Variants in DNAH7 observed in about 807,000 individuals in gnomAD.
DNAH7 encodes the protein axonemal beta dynein heavy chain 7.
In DNAH7, 397 loss-of-function variants were observed where a neutral mutation model predicts 444.6. The observed-to-expected ratio is 0.89, with a 90% confidence interval of 0.82 to 0.97. The LOEUF is 0.97. DNAH7 is among the 50% of genes least tolerant of loss of function. The probability of loss-of-function intolerance (pLI) is 0.00; values close to 1 mark genes in which losing one functional copy is unlikely to be tolerated. For synonymous variants in DNAH7, 1,636 were observed against 1,624.4 expected, an observed-to-expected ratio of 1.01 and a Z score of -0.17; for missense variants, 4,902 against 4,800.8, an observed-to-expected ratio of 1.02 and a Z score of -0.62.
chr2:195,888,595 A>C (rs1261186094), intron 32 of DNAH7, among the ~76,000 whole-genome samples, 161 bp from the exon 33 acceptor site: 1 of 152,180 alleles, frequency 6.6e-6, no homozygotes, highest in Non-Finnish European at 1.5e-5. Flanking sequence ...ACTTTACCAA[A>C]TAGTCCTAAA....
chr2:195,771,323 G>C (rs956761315), intron 61 of DNAH7, among the ~76,000 whole-genome samples: 3 of 151,892 alleles, frequency 2.0e-5, no homozygotes, highest in Admixed American at 1.3e-4. Flanking sequence ...CTGGGTGACA[G>C]AGTGAGACCC....
chr2:195,779,650 C>G (rs555870903), intron 58 of DNAH7, among the ~76,000 whole-genome samples: 1 of 151,918 alleles, frequency 6.6e-6, no homozygotes, highest in African/African-American at 2.4e-5. Context: ...GCTCTGTCAC[C>G]CAGGCTGGAG....
intron 61 of DNAH7, among the ~76,000 whole-genome samples, chr2:195,758,256 C>CTTAT (rs1296032191): frequency 6.6e-6 from 1 of 152,236 alleles, no homozygotes; most frequent in Non-Finnish European, 1.5e-5. Context: ...CATTCTTAAA[C>CTTAT]ATAAGTAGAC....
intron 20 of DNAH7, among the ~76,000 whole-genome samples, chr2:195,936,171 C>T (rs1425453085): frequency 6.6e-6 from 1 of 151,840 alleles, no homozygotes; most frequent in Non-Finnish European, 1.5e-5. Context: ...ATCAGGAGTT[C>T]AAGACCAGCC....
At chr2:195,812,906 G>T (rs1269245626) in intron 51 of DNAH7, among the ~76,000 whole-genome samples, 1 of 152,102 alleles carries the variant, frequency 6.6e-6, no homozygotes, top group Non-Finnish European at 1.5e-5. Context: ...TCTGATTTGG[G>T]AGCTAGCTTC....
At chr2:195,980,815 T>TAA (rs59787108) in intron 15 of DNAH7, among the ~76,000 whole-genome samples, 8,198 of 144,006 alleles carry the variant, frequency 0.057, 361 homozygotes, top group African/African-American at 0.13. Context: ...TGCTTCATGA[T>TAA]AAAAAAAAAA....
At chr2:195,757,767 C>T (rs914546861) in intron 61 of DNAH7, among the ~76,000 whole-genome samples, 1 of 152,204 alleles carries the variant, frequency 6.6e-6, no homozygotes, top group Non-Finnish European at 1.5e-5. Context: ...CAGACATACA[C>T]TGCACAATAC....
At chr2:196,013,144 C>A (rs1264705357) in intron 9 of DNAH7, among the ~76,000 whole-genome samples, 3 of 151,992 alleles carry the variant, frequency 2.0e-5, no homozygotes, top group Admixed American at 1.3e-4. Context: ...AAGAAAGTTG[C>A]AATAACTGGG....
chr2:196,006,332 C>G (rs540864512), intron 10 of DNAH7, among the ~76,000 whole-genome samples: 2 of 152,056 alleles, frequency 1.3e-5, no homozygotes, highest in African/African-American at 2.4e-5. Context: ...TATCTCCATT[C>G]CATGACCATG....
Position 195,816,863 on chromosome 2 carries a change from T to C in DNAH7, c.9526A>G (p.Lys3176Glu). Residue 3176 changes from lysine to glutamate, a missense_variant, in exon 51 of 65, where the codon AAG (lysine) becomes GAG (glutamate). By Grantham distance (56) the Lys-to-Glu change is moderately conservative. Transcript: ENST00000312428. ...ETAIKILSSS[K>E]ALANEISQKQ... ...TGAGAAATCTCATTAGCCAAGGCCT[T>C]GGAGGAAGATAATATCTTAATAGCA... 1 of 1,614,130 alleles carries C rather than the reference T, an allele frequency of 6.2e-7. No individual in the cohort carries two copies. Among genetic ancestry groups the C allele is most frequent in the African/African-American group, 1.3e-5 (1 of 75,040 alleles).
rs759557549 is a variant in DNAH7, at chr2:195,970,006, T to G, written c.2147A>C (p.Gln716Pro). Residue 716 changes from glutamine to proline, a missense_variant, in exon 17 of 65, where the codon CAG becomes CCG. Transcript: ENST00000312428. ...TATTTGAGCCTTTTTTAGGTACCGC[T>G]GAACATCCTGAAGATCTCCAAATGA... is the stretch of plus-strand genomic sequence containing the variant. ...FYSFGDLQDV[Q>P]RYLKKAQILN... 3.1e-6 allele frequency: 5 copies of G among 1,612,674 alleles called. No homozygotes were observed. Among genetic ancestry groups the G allele is most frequent in the Non-Finnish European group, 4.2e-6 (5 of 1,179,574 alleles).
At chr2:195,819,103 C>T (rs527497344) in intron 49 of DNAH7, among the ~76,000 whole-genome samples, 54 of 152,188 alleles carry the variant, frequency 3.5e-4, no homozygotes, top group African/African-American at 1.3e-3. Flanking sequence ...TGCTCTACGC[C>T]CTTCCCCTTG....
intron 48 of DNAH7, among the ~76,000 whole-genome samples, chr2:195,829,523 A>C (rs1697957391): frequency 6.6e-6 from 1 of 152,062 alleles, no homozygotes; most frequent in African/African-American, 2.4e-5. Flanking sequence ...TTAAAATCTA[A>C]TTTGCTCAAC....
At chr2:195,833,820 C>T (rs1024797547) in intron 48 of DNAH7, among the ~76,000 whole-genome samples, 5 of 151,984 alleles carry the variant, frequency 3.3e-5, no homozygotes, top group Non-Finnish European at 7.4e-5. Context: ...TAGTGGCACT[C>T]TCTCGGCTCA....
At chr2:196,029,812 G>C (rs1160508387) in intron 5 of DNAH7, among the ~76,000 whole-genome samples, 2 of 152,118 alleles carry the variant, frequency 1.3e-5, no homozygotes, top group African/African-American at 4.8e-5. Context: ...CCTGGGTACA[G>C]AGAAAATATG....
At chr2:196,009,932 G>A (rs1292344974) in intron 10 of DNAH7, among the ~76,000 whole-genome samples, 1 of 152,050 alleles carries the variant, frequency 6.6e-6, no homozygotes, top group South Asian at 2.1e-4. Flanking sequence ...TATTCATCAC[G>A]GAAATGCAAA....
Position 195,737,980 on chromosome 2 carries a change from G to A in DNAH7, c.12016C>T (p.Gln4006Ter). The A allele has an allele frequency of 6.2e-7, 1 of 1,613,984 alleles. No individual in the cohort carries two copies. The highest frequency in any genetic ancestry group is 2.2e-5 in the East Asian group (1 of 44,880). ...FVIAMTLPSD[Q>*]PKEHWIGRGV... ...CGTCCAATCCAGTGTTCCTTGGGTT[G>A]GTCAGAGGGAAGAGTCATGGCAATC... is the stretch of plus-strand genomic sequence containing the variant. Residue 4006 changes from glutamine (Q) to a stop codon, truncating the protein, a stop_gained, in exon 65 of 65, where the codon CAA becomes TAA. Coordinates refer to ENST00000312428, the MANE Select transcript of DNAH7 (RefSeq NM_018897.3). LOFTEE classifies it high-confidence loss of function.
rs144390858 is a variant in DNAH7 at position 196,001,709 on chromosome 2, A to C, written c.1139T>G (p.Met380Arg). 0.011 allele frequency: 17,757 copies of C among 1,592,638 alleles called. 126 individuals are homozygous for C. The highest frequency in any genetic ancestry group is 0.013 in the Non-Finnish European group (15,021 of 1,170,094). Residue 380 changes from methionine to arginine, a missense_variant, in exon 11 of 65, where the codon ATG becomes AGG. Physicochemically the swap from Met to Arg is moderately conservative, Grantham distance 91. Coordinates refer to ENST00000312428, the MANE Select transcript of DNAH7 (RefSeq NM_018897.3). ...TGCAATTAAGTCCGTGAAATCTTGC[A>C]TGGAGACTAAAGTGAGGTCCTGCAG... ...LQLQDLTLVS[M>R]QDFTDLIAQP... is the part of the protein sequence containing the mutation.
rs771676700 is a variant in DNAH7, at chr2:195,888,852, G to T, written c.5176C>A (p.Gln1726Lys). Residue 1726 changes from glutamine (Q) to lysine (K), a missense_variant, in exon 32 of 65, where the codon CAA becomes AAA. Gln to Lys is a moderately conservative substitution (Grantham distance 53, BLOSUM62 1). Transcript: ENST00000312428. ...ATTGGCTCAAAAATTAGATTCATTTGTGGTGACATCTGAATAATCTCCCCA... is the reference window on the plus strand; with the variant it reads ...ATTGGCTCAAAAATTAGATTCATTTTTGGTGACATCTGAATAATCTCCCCA... The part of the protein sequence containing the change: ...MSGEIIQMSP[Q>K]MNLIFEPMDL... 6.2e-7 allele frequency: 1 copy of T among 1,613,812 alleles called. No individual in the cohort carries two copies. The highest frequency in any genetic ancestry group is 1.7e-5 in the Admixed American group (1 of 60,004).
Sources: allele counts gnomAD v4.1 joint callset (sites outside exome capture counted in the v4.1 genomes callset), GRCh38; gene constraint gnomAD v4.1.1; transcripts MANE v1.5; gene names NCBI Gene and HGNC (gene_info 2026-07-23, HGNC 2026-07-21).